Variants in RNGTT observed in about 807,000 individuals in gnomAD.
RNGTT encodes RNA guanylyltransferase and 5'-phosphatase, also known as mRNA-capping enzyme.
A neutral mutation model predicts 79.3 loss-of-function variants in RNGTT; 33 were observed. The observed-to-expected ratio is 0.42, with a 90% CI of 0.32 to 0.56. RNGTT has a LOEUF of 0.56. Ranked by LOEUF, RNGTT falls within the 20% of genes least tolerant of loss-of-function variation. The probability of loss-of-function intolerance (pLI) is 0.17; values close to 1 mark genes in which losing one functional copy is unlikely to be tolerated. For synonymous variants in RNGTT, 222 were observed against 235.9 expected, an observed-to-expected ratio of 0.94 and a Z score of 0.54; for missense variants, 497 against 739.1, an observed-to-expected ratio of 0.67 and a Z score of 3.80.
intron 14 of RNGTT, among the ~76,000 whole-genome samples, chr6:88,616,040 TTC>T (rs761059620): frequency 2.6e-5 from 4 of 152,182 alleles, no homozygotes; most frequent in East Asian, 3.8e-4. Flanking sequence ...CCTTTCTACT[TTC>T]TGTTTCTATG....
chr6:88,712,859 A>T (rs1425771544), intron 13 of RNGTT, among the ~76,000 whole-genome samples: 3 of 152,204 alleles, frequency 2.0e-5, no homozygotes, highest in Admixed American at 2.0e-4. Flanking sequence ...AAAAATCACA[A>T]AAGAAATCTC....
At position 88,906,495 on chromosome 6, in the gene RNGTT, T is replaced by C. The variant is rs1281494497; in HGVS notation, c.368-55A>G. 5.8e-5 allele frequency: 61 copies of C among 1,055,546 alleles called. 1 individual carries two copies. In the South Asian group the frequency reaches 9.7e-4, roughly 17 times the overall value. The allele number at this position is 1,055,546 out of a possible 1,614,324, so 65.4% of individuals were successfully genotyped here. On this transcript the variant is annotated intron_variant, in intron 4 of 15. Coordinates refer to ENST00000369485, the MANE Select transcript of RNGTT (RefSeq NM_003800.5). ...TAACAAATCACTGCAGAGGCCACAT[T>C]TACTTTAAAATTCCAACCTGCAATC...
intron 12 of RNGTT, among the ~76,000 whole-genome samples, chr6:88,781,104 C>A (rs1463888149): frequency 6.6e-6 from 1 of 152,132 alleles, no homozygotes; most frequent in East Asian, 1.9e-4. Flanking sequence ...CTGAGAAAAC[C>A]TGATGTAAAT....
At chr6:88,789,868 C>G (rs766942877) in intron 12 of RNGTT, among the ~76,000 whole-genome samples, 1 of 152,218 alleles carries the variant, frequency 6.6e-6, no homozygotes, top group Non-Finnish European at 1.5e-5. Context: ...TACACTCACC[C>G]TTTCACTCAA....
At chr6:88,886,046 C>T (rs1782845532) in intron 8 of RNGTT, among the ~76,000 whole-genome samples, 1 of 152,186 alleles carries the variant, frequency 6.6e-6, no homozygotes, top group Non-Finnish European at 1.5e-5. Flanking sequence ...TGGCTCACAC[C>T]TGTAATCCCA....
intron 13 of RNGTT, among the ~76,000 whole-genome samples, chr6:88,756,150 C>T (rs193119983): frequency 6.6e-6 from 1 of 151,888 alleles, no homozygotes; most frequent in Non-Finnish European, 1.5e-5. Flanking sequence ...AATTATCACA[C>T]AGAAACAATT....
At chr6:88,680,875 A>G (rs1005248736) in intron 13 of RNGTT, among the ~76,000 whole-genome samples, 2 of 152,204 alleles carry the variant, frequency 1.3e-5, no homozygotes, top group Admixed American at 6.5e-5. Flanking sequence ...TGATGACATC[A>G]TAATTTGAAA....
At chr6:88,631,004 T>C (rs1772857532) in intron 14 of RNGTT, among the ~76,000 whole-genome samples, 1 of 152,178 alleles carries the variant, frequency 6.6e-6, no homozygotes, top group Non-Finnish European at 1.5e-5. Flanking sequence ...TTATTATAAA[T>C]GTGAAGTCTA....
intron 11 of RNGTT, among the ~76,000 whole-genome samples, chr6:88,836,928 G>A (rs905374158): frequency 2.0e-4 from 31 of 152,076 alleles, no homozygotes; most frequent in African/African-American, 7.5e-4. Context: ...GAAACTTCAG[G>A]TATTTTAATA....
intron 1 of RNGTT, among the ~76,000 whole-genome samples, chr6:88,943,904 C>T (rs1582159967): frequency 6.6e-6 from 1 of 152,196 alleles, no homozygotes; most frequent in Non-Finnish European, 1.5e-5. Context: ...ACTTAACCAC[C>T]TGACTTCTTT....
chr6:88,623,913 A>C (rs1772530940), intron 14 of RNGTT, among the ~76,000 whole-genome samples: 1 of 152,070 alleles, frequency 6.6e-6, no homozygotes, highest in Non-Finnish European at 1.5e-5. Context: ...TGCAGACTAT[A>C]AGAATACTAA....
chr6:88,763,347 C>T (rs143381432), intron 13 of RNGTT, among the ~76,000 whole-genome samples: 4 of 152,148 alleles, frequency 2.6e-5, no homozygotes, highest in Non-Finnish European at 4.4e-5. Context: ...AGAAGATTTA[C>T]GTACAAGTTT....
In RNGTT at chr6:88,709,209, G is replaced by A. The variant is rs373642227; in HGVS notation, c.1440-30790C>T. On this transcript the variant is annotated intron_variant, in intron 13 of 15. Transcript: ENST00000369485. ...AATCCCAGCTACTGAGGAGGCTGAG[G>A]CAGGAGAACCACTTGAACCCGGAAG... Among the ~76,000 whole-genome samples, 5 of 152,206 alleles carry A rather than the reference G, an allele frequency of 3.3e-5. No homozygotes were observed. In the South Asian group the frequency reaches 1.0e-3, roughly 32 times the overall value.
At chr6:88,787,214 C>G (rs1481156370) in intron 12 of RNGTT, among the ~76,000 whole-genome samples, 1 of 152,196 alleles carries the variant, frequency 6.6e-6, no homozygotes, top group East Asian at 1.9e-4. Flanking sequence ...TTTGAATCAA[C>G]AGCAAAACAC....
intron 14 of RNGTT, among the ~76,000 whole-genome samples, chr6:88,616,849 C>T (rs187041767): frequency 6.6e-4 from 101 of 152,324 alleles, no homozygotes; most frequent in African/African-American, 2.4e-3. Flanking sequence ...TGCCTTTTCA[C>T]ACTGCTGATT....
intron 13 of RNGTT, among the ~76,000 whole-genome samples, chr6:88,697,761 C>A (rs1248188947): frequency 1.3e-5 from 2 of 150,474 alleles, no homozygotes; most frequent in Non-Finnish European, 3.0e-5. Flanking sequence ...GTCTCAGCTA[C>A]TCAGGAGGCT....
At chr6:88,672,242 CACACACACATATAT>C (rs1439798356) in intron 14 of RNGTT, among the ~76,000 whole-genome samples, 4,055 of 151,374 alleles carry the variant, frequency 0.027, 180 homozygotes, top group African/African-American at 0.093. Context: ...TATATATACA[CACACACACATATAT>C]ACACACACAT....
chr6:88,854,389 T>C (rs1175089923), intron 8 of RNGTT, among the ~76,000 whole-genome samples: 1 of 152,186 alleles, frequency 6.6e-6, no homozygotes, highest in East Asian at 1.9e-4. Flanking sequence ...TCTTAAACAT[T>C]GAAGCCTTTC....
intron 10 of RNGTT, among the ~76,000 whole-genome samples, chr6:88,849,510 CAG>C (rs1484804926): frequency 1.3e-5 from 2 of 151,834 alleles, no homozygotes; most frequent in Admixed American, 6.6e-5. Flanking sequence ...CTTATTTTAT[CAG>C]AGTTATGCCA....
Sources: allele counts gnomAD v4.1 joint callset (sites outside exome capture counted in the v4.1 genomes callset), GRCh38; gene constraint gnomAD v4.1.1; transcripts MANE v1.5; gene names NCBI Gene and HGNC (gene_info 2026-07-23, HGNC 2026-07-21).